SLC2A6: variants seen among roughly 807,000 people sequenced by gnomAD.
SLC2A6 encodes solute carrier family 2, facilitated glucose transporter member 6.
In SLC2A6, 39 loss-of-function variants were observed where a neutral mutation model predicts 47.8. That is an observed-to-expected ratio of 0.82 (90% confidence interval 0.63 to 1.07). The LOEUF (loss-of-function observed/expected upper bound fraction) is 1.07, where lower values mean the gene tolerates loss of function less well. SLC2A6 is among the 50% of genes least tolerant of loss of function. The probability of loss-of-function intolerance (pLI) is 0.00; values close to 1 mark genes in which losing one functional copy is unlikely to be tolerated. For synonymous variants in SLC2A6, 346 were observed against 324.1 expected (o/e 1.07, Z -0.73); for missense variants, 650 against 707.6 (o/e 0.92, Z 0.92).
chr9:133,473,113 G>C lies in SLC2A6; in HGVS notation c.1360C>G (p.Pro454Ala). The C allele has an allele frequency of 6.2e-7, 1 of 1,609,206 alleles. No homozygotes were observed. The highest frequency in any genetic ancestry group is 8.5e-7 in the Non-Finnish European group (1 of 1,178,734). The change falls in exon 9 of 10, where the codon CCA (proline) becomes GCA (alanine). Residue 454 changes from proline to alanine, a missense_variant. By Grantham distance (27) the Pro-to-Ala change is conservative. Coordinates refer to ENST00000371899, the MANE Select transcript of SLC2A6 (RefSeq NM_017585.4). ...TAFVLTKSFLPVVSTFGLQVP... is the reference protein window; with the variant it reads ...TAFVLTKSFLAVVSTFGLQVP... ...TGGGGCTGAACACTCACCACCACTGGCAGGAAGGACTTGGTGAGGACGAAG... is the reference window on the plus strand; with the variant it reads ...TGGGGCTGAACACTCACCACCACTGCCAGGAAGGACTTGGTGAGGACGAAG...
At position 133,472,035 on chromosome 9, in the gene SLC2A6, A is replaced by T. The variant is rs148593103; in HGVS notation, c.1510T>A (p.Ser504Thr). 1.9e-6 allele frequency: 3 copies of T among 1,612,540 alleles called. No individual in the cohort carries two copies. Among genetic ancestry groups the T allele is most frequent in the Non-Finnish European group, 2.5e-6 (3 of 1,179,548 alleles). Residue 504 changes from serine to threonine, a missense_variant, in exon 10 of 10, where the codon TCC (serine) becomes ACC (threonine). Physicochemically the swap from Ser to Thr is moderately conservative, Grantham distance 58 (BLOSUM62 1). Transcript: ENST00000371899. ...GGGACCTTGACCTAGCGCAAGAAGG[A>T]CCTTCTCCCCGTGCGGAAGAAGGAC... ...IESFFRTGRR[S>T]FLR
chr9:133,474,848 A>T, intron 6 of SLC2A6, 113 bp downstream of exon 6: 2 of 1,091,046 alleles, frequency 1.8e-6, no homozygotes, highest in Non-Finnish European at 2.5e-6. Context: ...GGCACAGAGC[A>T]GGTGTGGGTA....
At chr9:133,477,735 A>G (rs1193537233) in intron 2 of SLC2A6, among the ~76,000 whole-genome samples, 2 of 152,248 alleles carry the variant, frequency 1.3e-5, no homozygotes, top group African/African-American at 4.8e-5. Context: ...ATGAACGTTC[A>G]GTGCCCAACA....
Position 133,472,165 on chromosome 9 carries a change from G to A in SLC2A6, c.1380C>T (p.Gly460=), listed in dbSNP as rs781885480. 1.7e-5 allele frequency: 27 copies of A among 1,612,936 alleles called. No individual in the cohort carries two copies. Among genetic ancestry groups the A allele is most frequent in the Non-Finnish European group, 2.2e-5 (26 of 1,179,906 alleles). ...CGAAGAAGAAGAAAGGCACCTGGAGGCCGAAGGTGCTCTGCGGGTGAAGAG... is the reference window on the plus strand; with the variant it reads ...CGAAGAAGAAGAAAGGCACCTGGAGACCGAAGGTGCTCTGCGGGTGAAGAG... ...KSFLPVVSTF[G]LQVPFFFFAA... Residue 460 remains glycine (G), a synonymous_variant, in exon 10 of 10, where the codon GGC becomes GGT. Coordinates refer to ENST00000371899, the MANE Select transcript of SLC2A6 (RefSeq NM_017585.4).
chr9:133,478,644 CG>C (rs941623086), intron 1 of SLC2A6: 2 of 602,566 alleles, frequency 3.3e-6, no homozygotes, highest in Admixed American at 6.2e-5. Flanking sequence ...GCCTTTTCTC[CG>C]GAAGAGGAGG....
At chr9:133,477,470 A>C (rs1439946340) in intron 2 of SLC2A6, among the ~76,000 whole-genome samples, 1 of 152,272 alleles carries the variant, frequency 6.6e-6, no homozygotes, top group Non-Finnish European at 1.5e-5. Context: ...CCACATATCC[A>C]CAGTGGTTCT....
At chr9:133,473,035 C>G in intron 9 of SLC2A6, 70 bp downstream of exon 9, 1 of 1,496,480 alleles carries the variant, frequency 6.7e-7, no homozygotes, top group Non-Finnish European at 8.9e-7. Flanking sequence ...GGCACAGCCC[C>G]TGGCACTGAG....
chr9:133,476,238 AAGGGCGTAG>A lies in SLC2A6; in HGVS notation c.552_560del (p.Tyr185_Leu187del), dbSNP rs1843946116. 5 of 1,611,022 alleles carry A rather than the reference AAGGGCGTAG, an allele frequency of 3.1e-6. No individual in the cohort carries two copies. The highest frequency in any genetic ancestry group is 4.2e-6 in the Non-Finnish European group (5 of 1,178,498). ...ACAGGAGTGCGGGGCCATACTTGCC[AAGGGCGTAG>A]AGGGACAGGGATCCGAACACTGCCA... On this transcript the variant is annotated inframe_deletion and splice_region_variant, in exon 4 of 10. Coordinates refer to ENST00000371899, the MANE Select transcript of SLC2A6 (RefSeq NM_017585.4).
At position 133,471,928 on chromosome 9, in the gene SLC2A6, G is replaced by T; in HGVS notation, c.*93C>A. On this transcript the variant is annotated 3_prime_UTR_variant, in exon 10 of 10. Transcript: ENST00000371899. ...CTGTGCTCTGGCTGGTGGCAGGGAT[G>T]ACTGCTGCCTCTTGGTCCCAGGGTG... 1 of 1,428,054 alleles carries T rather than the reference G, an allele frequency of 7.0e-7. No individual in the cohort carries two copies. Among genetic ancestry groups the T allele is most frequent in the South Asian group, 1.3e-5 (1 of 75,556 alleles). 88.5% of individuals were successfully genotyped at this position (1,428,054 alleles called of 1,614,324 possible).
rs1326658992 is a variant in SLC2A6 at position 133,473,479 on chromosome 9, G to A, written c.1158C>T (p.Pro386=). The A allele has an allele frequency of 1.9e-6, 3 of 1,604,596 alleles. No individual in the cohort carries two copies. Among genetic ancestry groups the A allele is most frequent in the Non-Finnish European group, 2.5e-6 (3 of 1,177,068 alleles). Residue 386 remains proline, a synonymous_variant, in exon 8 of 10, where the codon CCC becomes CCT. Coordinates refer to ENST00000371899, the MANE Select transcript of SLC2A6 (RefSeq NM_017585.4). ...ESESWGDLAQ[P]LAAPAGYLTL... ...TGAGGTAGCCAGCGGGTGCTGCCAG[G>A]GGCTGCGCCAAGTCCCCCCAGGACT...
Position 133,479,072 on chromosome 9 carries a change from C to T in SLC2A6, c.-13G>A, listed in dbSNP as rs1027577508. The T allele has an allele frequency of 8.9e-6, 14 of 1,581,706 alleles. No individual in the cohort carries two copies. Among genetic ancestry groups the T allele is most frequent in the Admixed American group, 3.5e-5 (2 of 57,862 alleles). On this transcript the variant is annotated 5_prime_UTR_variant, in exon 1 of 10. Coordinates refer to ENST00000371899, the MANE Select transcript of SLC2A6 (RefSeq NM_017585.4). ...GCGGCTCCTGCATGGCCGGGTCTCTCTCGGGGCGAGCGGAGGGCGCTCAGA... is the reference window on the plus strand; with the variant it reads ...GCGGCTCCTGCATGGCCGGGTCTCTTTCGGGGCGAGCGGAGGGCGCTCAGA...
Position 133,471,865 on chromosome 9 carries a change from G to T in SLC2A6, c.*156C>A. The T allele has an allele frequency of 1.2e-6, 1 of 862,044 alleles. No individual in the cohort carries two copies. 53.4% of individuals were successfully genotyped at this position (862,044 alleles called of 1,614,324 possible). On this transcript the variant is annotated 3_prime_UTR_variant, in exon 10 of 10. Coordinates refer to ENST00000371899, the MANE Select transcript of SLC2A6 (RefSeq NM_017585.4). ...CAGCAGTGCTACCTGTCCCGAGCCA[G>T]GGGCACCCGCTGCTGAGGCCCCATC... is the stretch of plus-strand genomic sequence containing the variant.
chr9:133,475,106 C>T lies in SLC2A6; in HGVS notation c.782G>A (p.Arg261Gln), dbSNP rs367744627. 6.1e-5 allele frequency: 95 copies of T among 1,562,168 alleles called. No homozygotes were observed. The highest frequency in any genetic ancestry group is 7.8e-5 in the Non-Finnish European group (90 of 1,155,580). ...IQDNVRRQSS[R>Q]VSWAEARAPH... ...GGCCCGTGCCTCAGCCCACGATACT[C>T]GGCTGCTCTGAAACACAAGGCCGCC... Residue 261 changes from arginine to glutamine, a missense_variant, in exon 6 of 10, where the codon CGA becomes CAA. Physicochemically the swap from Arg to Gln is conservative, Grantham distance 43 (BLOSUM62 1). Transcript: ENST00000371899.
rs1394897104 is a variant in SLC2A6, at chr9:133,471,496, TA to T, written c.*524del. 2 of 152,870 alleles carry T rather than the reference TA, an allele frequency of 1.3e-5. No homozygotes were observed. Among genetic ancestry groups the T allele is most frequent in the Non-Finnish European group, 2.9e-5 (2 of 68,376 alleles). The allele number at this position is 152,870 out of a possible 1,614,324, so 9.5% of individuals were successfully genotyped here. A position where few individuals can be genotyped will look rare whatever the true frequency, so the allele number is the denominator to read the frequency against. On this transcript the variant is annotated 3_prime_UTR_variant, in exon 10 of 10. Transcript: ENST00000371899. ...CTTTGGCCTCCCAAAGTGCTGGGATTACAGGCGTGAGCCACTGTGCCCGGCC... is the reference window on the plus strand; with the variant it reads ...CTTTGGCCTCCCAAAGTGCTGGGATTCAGGCGTGAGCCACTGTGCCCGGCC...
chr9:133,473,057 C>A, intron 9 of SLC2A6, 48 bp downstream of exon 9: 1 of 1,556,136 alleles, frequency 6.4e-7, no homozygotes. Context: ...AGGGTCCTGG[C>A]CAGTCAGAGA....
Position 133,479,054 on chromosome 9 carries a change from C to T in SLC2A6, c.6G>A (p.Gln2=), listed in dbSNP as rs782624147. 6.3e-6 allele frequency: 10 copies of T among 1,596,640 alleles called. No individual in the cohort carries two copies. In the African/African-American group the frequency reaches 9.5e-5, roughly 15 times the overall value. Residue 2 remains glutamine, a synonymous_variant, in exon 1 of 10, where the codon CAG becomes CAA. Coordinates refer to ENST00000371899, the MANE Select transcript of SLC2A6 (RefSeq NM_017585.4). M[Q]EPLLGAEGPD... ...GGCCCTCGGCTCCCAGCAGCGGCTC[C>T]TGCATGGCCGGGTCTCTCTCGGGGC...
In SLC2A6 at chr9:133,475,076, T is replaced by TG; in HGVS notation, c.811dup (p.His271ProfsTer153). ...GGCCACGGTGATGGGCCGGCACACG[T>TG]GTGGGGCCCGTGCCTCAGCCCACGA... On this transcript the variant is annotated frameshift_variant, in exon 6 of 10. Coordinates refer to ENST00000371899, the MANE Select transcript of SLC2A6 (RefSeq NM_017585.4). LOFTEE classifies it high-confidence loss of function. 6.3e-7 allele frequency: 1 copy of TG among 1,596,946 alleles called. No homozygotes were observed. Among genetic ancestry groups the TG allele is most frequent in the Non-Finnish European group, 8.5e-7 (1 of 1,174,046 alleles).
Position 133,478,333 on chromosome 9 carries a change from G to A in SLC2A6, c.176C>T (p.Thr59Ile), listed in dbSNP as rs782526137. Reference protein sequence around the residue: ...NFSFGYALVYTSPVIPALERS... With the variant: ...NFSFGYALVYISPVIPALERS... ...CTCCAGGGCTGGGATGACAGGGGATGTGTAGACCAGGGCATACCCAAAGCT... is the reference window on the plus strand; with the variant it reads ...CTCCAGGGCTGGGATGACAGGGGATATGTAGACCAGGGCATACCCAAAGCT... Residue 59 changes from threonine to isoleucine, a missense_variant, in exon 2 of 10, where the codon ACA becomes ATA. Coordinates refer to ENST00000371899, the MANE Select transcript of SLC2A6 (RefSeq NM_017585.4). The A allele has an allele frequency of 1.2e-6, 2 of 1,614,186 alleles. No individual in the cohort carries two copies. Among genetic ancestry groups the A allele is most frequent in the Non-Finnish European group, 1.7e-6 (2 of 1,180,032 alleles).
chr9:133,479,087 G>C lies in SLC2A6; in HGVS notation c.-28C>G. The C allele has an allele frequency of 1.3e-6, 2 of 1,561,184 alleles. No homozygotes were observed. The highest frequency in any genetic ancestry group is 2.4e-5 in the East Asian group (1 of 40,906). The stretch of plus-strand genomic sequence containing the variant: ...CCGGGTCTCTCTCGGGGCGAGCGGA[G>C]GGCGCTCAGACTGGAGCAGCCGCCC... On this transcript the variant is annotated 5_prime_UTR_variant, in exon 1 of 10. Coordinates refer to ENST00000371899, the MANE Select transcript of SLC2A6 (RefSeq NM_017585.4).
Sources: allele counts gnomAD v4.1 joint callset (sites outside exome capture counted in the v4.1 genomes callset), GRCh38; gene constraint gnomAD v4.1.1; transcripts MANE v1.5; gene names NCBI Gene and HGNC (gene_info 2026-07-23, HGNC 2026-07-21).